The following MTX3 variants were observed in gnomAD, a reference collection of about 807,000 sequenced individuals.
MTX3 encodes the protein metaxin-3.
In MTX3, 27 loss-of-function variants were observed where a neutral mutation model predicts 42.5. The observed-to-expected ratio is 0.64, with a 90% confidence interval of 0.47 to 0.88. The LOEUF is 0.88. MTX3 is among the 40% of genes least tolerant of loss of function. The pLI, the probability that MTX3 is intolerant of heterozygous loss-of-function variation, is 0.00. For synonymous variants in MTX3, 144 were observed against 132.9 expected (o/e 1.08, Z -0.57); for missense variants, 378 against 367.0 (o/e 1.03, Z -0.25).
intron 8 of MTX3, 137 bp downstream of exon 8, chr5:79,985,434 A>G: frequency 3.1e-6 from 2 of 654,068 alleles, no homozygotes; most frequent in Non-Finnish European, 2.7e-6. Flanking sequence ...TAGTGAAAGT[A>G]TATTTAAACA....
At chr5:79,988,187 C>A in intron 6 of MTX3, 52 bp downstream of exon 6, 1 of 996,262 alleles carries the variant, frequency 1.0e-6, no homozygotes, top group South Asian at 1.4e-5. Context: ...AATAGCTGCT[C>A]ACTGAATATA....
At chr5:79,989,979 T>A (rs1276855226) in intron 3 of MTX3, among the ~76,000 whole-genome samples, 181 bp downstream of exon 3, 1 of 152,240 alleles carries the variant, frequency 6.6e-6, no homozygotes, top group Non-Finnish European at 1.5e-5. Context: ...CCTCTTCATA[T>A]GACTTTCAAA....
chr5:79,990,749 C>T (rs1468453113), intron 1 of MTX3, 86 bp from the exon 2 acceptor site: 7 of 987,300 alleles, frequency 7.1e-6, no homozygotes, highest in African/African-American at 3.2e-5. Context: ...CCCCATCCCC[C>T]AAAGGCAGAA....
intron 7 of MTX3, 145 bp downstream of exon 7, chr5:79,986,805 G>C (rs912740638): frequency 5.7e-6 from 4 of 704,202 alleles, no homozygotes; most frequent in Admixed American, 5.9e-5. Context: ...AAATGAAGTC[G>C]GAAAAACACA....
At chr5:79,983,888 C>T (rs1395262518) in intron 8 of MTX3, 94 bp from the exon 9 acceptor site, 1 of 760,480 alleles carries the variant, frequency 1.3e-6, no homozygotes, top group Non-Finnish European at 2.2e-6. Flanking sequence ...TAGAAGAGTA[C>T]AGAACCATAT....
In MTX3 at chr5:79,980,246, A is replaced by G. The variant is rs1248853726; in HGVS notation, c.*3438T>C. ...GCTGCCTTAACCAACAGGTTTTCTAAGATACTATCCCCCTTACCTGTTTCT... is the reference window on the plus strand; with the variant it reads ...GCTGCCTTAACCAACAGGTTTTCTAGGATACTATCCCCCTTACCTGTTTCT... On this transcript the variant is annotated 3_prime_UTR_variant, in exon 9 of 9. Transcript: ENST00000512528. 1 of 152,192 alleles carries G rather than the reference A, an allele frequency of 6.6e-6. No individual in the cohort carries two copies. Among genetic ancestry groups the G allele is most frequent in the African/African-American group, 2.4e-5 (1 of 41,438 alleles). The allele number at this position is 152,192 out of a possible 1,614,324, so 9.4% of individuals were successfully genotyped here.
chr5:79,991,082 G>C (rs1269909506), intron 1 of MTX3, 76 bp downstream of exon 1: 1 of 1,404,302 alleles, frequency 7.1e-7, no homozygotes. Flanking sequence ...AGCGCAGCGG[G>C]AAACTGGGGC....
chr5:79,983,339 G>A lies in MTX3; in HGVS notation c.*345C>T, dbSNP rs1163382186. 1 of 199,150 alleles carries A rather than the reference G, an allele frequency of 5.0e-6. No homozygotes were observed. Among genetic ancestry groups the A allele is most frequent in the Non-Finnish European group, 1.0e-5 (1 of 98,090 alleles). 12.3% of individuals were successfully genotyped at this position (199,150 alleles called of 1,614,324 possible). The stretch of plus-strand genomic sequence containing the variant: ...GAATAAATTAAATCAAATAAATTAG[G>A]AGTGCACATTCAGAACAGAATTGTA... On this transcript the variant is annotated 3_prime_UTR_variant, in exon 9 of 9. Transcript: ENST00000512528.
In MTX3 at chr5:79,979,878, A is replaced by T. The variant is rs1405637329; in HGVS notation, c.*3806T>A. The stretch of plus-strand genomic sequence containing the variant: ...TTTAACTTCTATCATATATTTATTC[A>T]ACTAAGTTGAATACTATGTTTAGAA... On this transcript the variant is annotated 3_prime_UTR_variant, in exon 9 of 9. Coordinates refer to ENST00000512528, the MANE Select transcript of MTX3 (RefSeq NM_001363818.2). 2.0e-5 allele frequency: 3 copies of T among 152,054 alleles called. No individual in the cohort carries two copies. The highest frequency in any genetic ancestry group is 7.2e-5 in the African/African-American group (3 of 41,424). 9.4% of individuals were successfully genotyped at this position (152,054 alleles called of 1,614,324 possible). A position where few individuals can be genotyped will look rare whatever the true frequency, so the allele number is the denominator to read the frequency against.
Position 79,982,028 on chromosome 5 carries a change from T to C in MTX3, c.*1656A>G, listed in dbSNP as rs1443530350. The C allele has an allele frequency of 1.8e-5, 3 of 163,936 alleles. No individual in the cohort carries two copies. Among genetic ancestry groups the C allele is most frequent in the Non-Finnish European group, 4.0e-5 (3 of 75,296 alleles). The allele number at this position is 163,936 out of a possible 1,614,324, so 10.2% of individuals were successfully genotyped here. A position where few individuals can be genotyped will look rare whatever the true frequency, so the allele number is the denominator to read the frequency against. ...AGAGGACAATAAAGTCTCACAGTCA[T>C]GATTTCCAATATAACATATTTAGGT... On this transcript the variant is annotated 3_prime_UTR_variant, in exon 9 of 9. Transcript: ENST00000512528.
intron 3 of MTX3, 90 bp downstream of exon 3, chr5:79,990,070 G>T: frequency 2.8e-6 from 2 of 720,138 alleles, no homozygotes; most frequent in Non-Finnish European, 4.3e-6. Flanking sequence ...TGTCTAATGA[G>T]TTGGCAAAAA....
chr5:79,991,040 G>A, intron 1 of MTX3, 118 bp downstream of exon 1: 1 of 1,055,246 alleles, frequency 9.5e-7, no homozygotes, highest in Non-Finnish European at 1.4e-6. Flanking sequence ...GGGCAATGCA[G>A]CGTGCAGCGG....
In MTX3 at chr5:79,988,508, G is replaced by C; in HGVS notation, c.458C>G (p.Thr153Ser). 1 of 1,613,184 alleles carries C rather than the reference G, an allele frequency of 6.2e-7. No homozygotes were observed. The highest frequency in any genetic ancestry group is 8.5e-7 in the Non-Finnish European group (1 of 1,179,684). ...SKGALNRILL[T>S]RGQPPLYHLR... ...GTGGTAGAGGGGAGGCTGTCCTCTGGTCAGGAGAATCCTATTCAGTGCTCC... is the reference window on the plus strand; with the variant it reads ...GTGGTAGAGGGGAGGCTGTCCTCTGCTCAGGAGAATCCTATTCAGTGCTCC... Residue 153 changes from threonine to serine, a missense_variant, in exon 5 of 9, where the codon ACC (threonine) becomes AGC (serine). Thr to Ser is a moderately conservative substitution (Grantham distance 58). Transcript: ENST00000512528.
rs988572220 is a variant in MTX3 at position 79,977,260 on chromosome 5, T to A, written c.*6424A>T. ...TCCTAGAGAGAAGGAAGCCAGAACTTCAGAAGTAGCCAGTGGTCCAAAGAA... is the reference window on the plus strand; with the variant it reads ...TCCTAGAGAGAAGGAAGCCAGAACTACAGAAGTAGCCAGTGGTCCAAAGAA... On this transcript the variant is annotated 3_prime_UTR_variant, in exon 9 of 9. Coordinates refer to ENST00000512528, the MANE Select transcript of MTX3 (RefSeq NM_001363818.2). 6.6e-6 allele frequency: 1 copy of A among 152,208 alleles called. No homozygotes were observed. Among genetic ancestry groups the A allele is most frequent in the Non-Finnish European group, 1.5e-5 (1 of 68,042 alleles). The allele number at this position is 152,208 out of a possible 1,614,324, so 9.4% of individuals were successfully genotyped here. A position where few individuals can be genotyped will look rare whatever the true frequency, so the allele number is the denominator to read the frequency against.
At chr5:79,985,695 A>G in intron 7 of MTX3, 36 bp from the exon 8 acceptor site, 2 of 1,479,960 alleles carry the variant, frequency 1.4e-6, no homozygotes, top group Non-Finnish European at 1.9e-6. Context: ...GAAAGACAGG[A>G]AATTTTTAAA....
At chr5:79,990,359 T>C in intron 2 of MTX3, 123 bp from the exon 3 acceptor site, 1 of 742,952 alleles carries the variant, frequency 1.3e-6, no homozygotes, top group Non-Finnish European at 2.1e-6. Flanking sequence ...CTTGTCTTGG[T>C]TTTTTTGCTG....
intron 8 of MTX3, among the ~76,000 whole-genome samples, chr5:79,985,356 A>G (rs1451172992): frequency 6.6e-6 from 1 of 152,112 alleles, no homozygotes; most frequent in Non-Finnish European, 1.5e-5. Flanking sequence ...AGTAAACCCA[A>G]TACTCTTATC....
In MTX3 at chr5:79,979,166, A is replaced by G. The variant is rs1000540580; in HGVS notation, c.*4518T>C. ...CTAGCAAACACTACACCCCAACAAGAGTTTGGGAGCCAAATTATTTTGCAA... is the reference window on the plus strand; with the variant it reads ...CTAGCAAACACTACACCCCAACAAGGGTTTGGGAGCCAAATTATTTTGCAA... On this transcript the variant is annotated 3_prime_UTR_variant, in exon 9 of 9. Transcript: ENST00000512528. The G allele has an allele frequency of 6.6e-6, 1 of 152,480 alleles. No individual in the cohort carries two copies. The highest frequency in any genetic ancestry group is 1.5e-5 in the Non-Finnish European group (1 of 68,036). The allele number at this position is 152,480 out of a possible 1,614,324, so 9.4% of individuals were successfully genotyped here.
At chr5:79,991,058 C>T in intron 1 of MTX3, 100 bp downstream of exon 1, 2 of 1,244,692 alleles carry the variant, frequency 1.6e-6, no homozygotes, top group Non-Finnish European at 2.3e-6. Flanking sequence ...CGGCTCGGCC[C>T]TCCTGGACCC....
Sources: allele counts gnomAD v4.1 joint callset (sites outside exome capture counted in the v4.1 genomes callset), GRCh38; gene constraint gnomAD v4.1.1; transcripts MANE v1.5; gene names NCBI Gene and HGNC (gene_info 2026-07-23, HGNC 2026-07-21).